Variants in CXorf58 observed in about 807,000 individuals in gnomAD.
CXorf58 encodes uncharacterized protein CXorf58.
A neutral mutation model predicts 26.0 loss-of-function variants in CXorf58; 24 were observed. The ratio of observed to expected loss-of-function variants is 0.92; its 90% confidence interval spans 0.67 to 1.30. The LOEUF is 1.30. CXorf58 is among the 50% of genes most tolerant of loss of function. The probability of loss-of-function intolerance (pLI) is 0.00; values close to 1 mark genes in which losing one functional copy is unlikely to be tolerated. For missense variants in CXorf58, 236 were observed against 263.9 expected (o/e 0.89, Z 0.73); for synonymous variants, 87 against 86.1 (o/e 1.01, Z -0.06).
At chrX:23,915,592 T>TC in intron 3 of CXorf58, 108 bp from the exon 4 acceptor site, 1 of 452,521 alleles carries the variant, frequency 2.2e-6, no homozygotes, top group South Asian at 4.2e-5. Flanking sequence ...CCTTCAGAAC[T>TC]CCAAGTCCAG....
chrX:23,912,775 C>G (rs547877739), intron 3 of CXorf58, among the ~76,000 whole-genome samples: 1 of 111,834 alleles, frequency 8.9e-6, no homozygotes, highest in Middle Eastern at 4.6e-3. Context: ...AGTTCCCTTA[C>G]CTTTTATCCA....
intron 5 of CXorf58, among the ~76,000 whole-genome samples, chrX:23,920,503 G>A (rs983001231): frequency 1.8e-5 from 2 of 111,515 alleles, no homozygotes; most frequent in African/African-American, 3.3e-5. Context: ...CTGCATGTGC[G>A]GCATTGACTC....
intron 6 of CXorf58, among the ~76,000 whole-genome samples, chrX:23,929,658 A>G (rs1928109393): frequency 1.8e-5 from 2 of 112,089 alleles, no homozygotes; most frequent in Non-Finnish European, 3.8e-5. Flanking sequence ...GCAGCAAGTT[A>G]TCCAGAAGAT....
At chrX:23,936,030 C>CA (rs1308838836) in intron 7 of CXorf58, among the ~76,000 whole-genome samples, 2 of 110,816 alleles carry the variant, frequency 1.8e-5, no homozygotes, top group Non-Finnish European at 3.8e-5. Context: ...CTCAGCCTCC[C>CA]AAAGTGCTGG....
chrX:23,932,944 G>A (rs767851442), intron 6 of CXorf58, among the ~76,000 whole-genome samples: 1 of 110,845 alleles, frequency 9.0e-6, no homozygotes, highest in Admixed American at 9.6e-5. Context: ...GCAGTGAGCC[G>A]AGATTGCGCC....
At chrX:23,934,207 G>T (rs1311877301) in intron 6 of CXorf58, among the ~76,000 whole-genome samples, 1 of 111,928 alleles carries the variant, frequency 8.9e-6, no homozygotes, top group African/African-American at 3.2e-5. Flanking sequence ...GATACTGTGT[G>T]CATGATAATG....
chrX:23,935,778 C>CTT (rs779736739), intron 7 of CXorf58, among the ~76,000 whole-genome samples: 8 of 102,039 alleles, frequency 7.8e-5, no homozygotes, highest in African/African-American at 2.8e-4. Context: ...GCGTAGTTGC[C>CTT]TTTTTTTTTT....
chrX:23,923,017 C>T (rs943850912), intron 5 of CXorf58, among the ~76,000 whole-genome samples: 2 of 112,140 alleles, frequency 1.8e-5, no homozygotes, highest in Admixed American at 1.9e-4. Flanking sequence ...CTCTTGAATC[C>T]TACCCTGATT....
At chrX:23,937,781 G>C (rs1928331509) in intron 7 of CXorf58, among the ~76,000 whole-genome samples, 1 of 111,322 alleles carries the variant, frequency 9.0e-6, no homozygotes, top group African/African-American at 3.3e-5. Flanking sequence ...GGCATTGAAA[G>C]TTGAGTCTAT....
intron 2 of CXorf58, among the ~76,000 whole-genome samples, chrX:23,911,176 G>A (rs1927569537): frequency 9.0e-6 from 1 of 111,103 alleles, no homozygotes; most frequent in African/African-American, 3.3e-5. Context: ...ATGATGGGGT[G>A]AGAAGGTATG....
At chrX:23,915,120 C>G (rs1289890405) in intron 3 of CXorf58, among the ~76,000 whole-genome samples, 1 of 112,460 alleles carries the variant, frequency 8.9e-6, no homozygotes, top group Non-Finnish European at 1.9e-5. Flanking sequence ...GGCGACGGAG[C>G]GAGACTCTGT....
At chrX:23,911,200 C>G (rs1233409766) in intron 2 of CXorf58, among the ~76,000 whole-genome samples, 1 of 111,083 alleles carries the variant, frequency 9.0e-6, no homozygotes, top group South Asian at 3.7e-4. Flanking sequence ...GAGGAGACCC[C>G]TACAATCTGC....
intron 3 of CXorf58, among the ~76,000 whole-genome samples, chrX:23,912,701 G>A (rs1303542819): frequency 3.6e-5 from 4 of 111,406 alleles, no homozygotes; most frequent in East Asian, 2.8e-4. Flanking sequence ...CGGAGATTGC[G>A]CCACTACATT....
At chrX:23,929,405 C>CAAAAA in intron 6 of CXorf58, among the ~76,000 whole-genome samples, 1 of 36,438 alleles carries the variant, frequency 2.7e-5, no homozygotes, top group Admixed American at 3.3e-4. Context: ...GACTGTGTCT[C>CAAAAA]AAAAAAAAAA....
At chrX:23,912,928 A>T (rs5925979) in intron 3 of CXorf58, among the ~76,000 whole-genome samples, 13,404 of 110,512 alleles carry the variant, frequency 0.12, 938 homozygotes, top group South Asian at 0.52. Context: ...ATAGTGTTAA[A>T]CTTTGCAGCT....
In CXorf58 at chrX:23,916,339, A is replaced by G. The variant is rs200889120; in HGVS notation, c.423+11A>G. 47 of 1,018,288 alleles carry G rather than the reference A, an allele frequency of 4.6e-5. No individual in the cohort carries two copies. The highest frequency in any genetic ancestry group is 2.0e-5 in the South Asian group (1 of 50,467). 83.9% of individuals were successfully genotyped at this position (1,018,288 alleles called of 1,213,427 possible). A position where few individuals can be genotyped will look rare whatever the true frequency, so the allele number is the denominator to read the frequency against. ...ATGCCGTCAAGTAAGGTGACGTTTC[A>G]TGATGTACATTTTATGTTAACTTAG... On this transcript the variant is annotated intron_variant, in intron 5 of 8. Transcript: ENST00000379211.
chrX:23,910,476 T>C lies in CXorf58; in HGVS notation c.116+58T>C, dbSNP rs753747820. The C allele has an allele frequency of 2.3e-4, 141 of 621,872 alleles. 1 individual carries two copies. The highest frequency in any genetic ancestry group is 3.5e-4 in the Non-Finnish European group (136 of 385,114). 51.2% of individuals were successfully genotyped at this position (621,872 alleles called of 1,213,427 possible). A position where few individuals can be genotyped will look rare whatever the true frequency, so the allele number is the denominator to read the frequency against. On this transcript the variant is annotated intron_variant, in intron 2 of 8. Transcript: ENST00000379211. Reference sequence around the variant, plus strand: ...CCACAACTGTACAGTTTCCAAACAGTACTTATTCAGATAACTTCAAATGCT... The same window carrying C: ...CCACAACTGTACAGTTTCCAAACAGCACTTATTCAGATAACTTCAAATGCT...
At chrX:23,911,729 T>C in intron 2 of CXorf58, 28 bp from the exon 3 acceptor site, 1 of 1,026,014 alleles carries the variant, frequency 9.7e-7, no homozygotes. Context: ...AACTACTTTA[T>C]AAATATTAAC....
chrX:23,936,834 A>G (rs941993166), intron 7 of CXorf58, among the ~76,000 whole-genome samples: 5 of 111,792 alleles, frequency 4.5e-5, no homozygotes, highest in African/African-American at 1.6e-4. Context: ...ACAGTCTGTC[A>G]TGAAATAGAT....
Sources: gnomAD v4.1 joint callset for allele counts (sites outside exome capture counted in the v4.1 genomes callset) on GRCh38, gnomAD v4.1.1 for gene constraint, MANE v1.5 for transcripts, NCBI Gene and HGNC (gene_info 2026-07-23, HGNC 2026-07-21) for gene names.